The following CYFIP2 variants were observed in gnomAD, a reference collection of about 807,000 sequenced individuals.
The protein encoded by CYFIP2 is cytoplasmic FMR1-interacting protein 2.
Under a neutral mutation model 158.7 loss-of-function variants are expected in CYFIP2, and 29 were observed. The ratio of observed to expected loss-of-function variants is 0.18; its 90% CI spans 0.14 to 0.25. The LOEUF is 0.25. CYFIP2 is among the 10% of genes least tolerant of loss of function. The pLI, the probability that CYFIP2 is intolerant of heterozygous loss-of-function variation, is 1.00. For synonymous variants in CYFIP2, 585 were observed against 617.6 expected, an observed-to-expected ratio of 0.95 and a Z score of 0.78; for missense variants, 852 against 1,639.5, an observed-to-expected ratio of 0.52 and a Z score of 8.29.
chr5:157,348,095 G>A (rs1166619174), intron 23 of CYFIP2, among the ~76,000 whole-genome samples: 1 of 152,234 alleles, frequency 6.6e-6, no homozygotes, highest in Non-Finnish European at 1.5e-5. Context: ...TAGCCTCTTC[G>A]CTCTCAGGCC....
chr5:157,287,388 G>A (rs1433855487), intron 3 of CYFIP2, among the ~76,000 whole-genome samples: 3 of 152,148 alleles, frequency 2.0e-5, no homozygotes, highest in Non-Finnish European at 2.9e-5. Flanking sequence ...ATAGCTTTTT[G>A]GGTTAACATG....
intron 13 of CYFIP2, among the ~76,000 whole-genome samples, chr5:157,318,669 A>G (rs920185046): frequency 6.6e-6 from 1 of 152,192 alleles, no homozygotes; most frequent in African/African-American, 2.4e-5. Flanking sequence ...TTCAACAGAA[A>G]ATGTGTCTGC....
rs140960085 is a variant in CYFIP2, at chr5:157,344,827, A to C, written c.2673+3670A>C. On this transcript the variant is annotated intron_variant, in intron 23 of 30. Coordinates refer to ENST00000620254, the MANE Select transcript of CYFIP2 (RefSeq NM_001037333.3). ...TGGATATTAAGCCAAACCAATGGCT[A>C]TTATGACCTGCCTTTCTCTCACCTC... Among the ~76,000 whole-genome samples the C allele has an allele frequency of 9.5e-4, 145 of 152,332 alleles. 1 individual carries two copies. The highest frequency in any genetic ancestry group is 7.1e-3 in the East Asian group (37 of 5,190).
At chr5:157,383,237 A>T (rs772598153) in intron 27 of CYFIP2, 28 bp from the exon 28 acceptor site, 1 of 1,609,092 alleles carries the variant, frequency 6.2e-7, no homozygotes, top group Non-Finnish European at 8.5e-7. Flanking sequence ...CCTGAGTCTC[A>T]TTTTCTGCTC....
chr5:157,316,404 A>G (rs1484277144), intron 13 of CYFIP2, among the ~76,000 whole-genome samples: 1 of 152,228 alleles, frequency 6.6e-6, no homozygotes, highest in Non-Finnish European at 1.5e-5. Context: ...AAAATATAAT[A>G]TACTTTTATA....
chr5:157,289,501 C>T (rs1561693897), intron 3 of CYFIP2, among the ~76,000 whole-genome samples: 1 of 152,294 alleles, frequency 6.6e-6, no homozygotes, highest in Admixed American at 6.5e-5. Context: ...TCTGTAGGTT[C>T]GGTTTTTCCT....
intron 26 of CYFIP2, chr5:157,363,015 A>G (rs1763978855): frequency 6.6e-6 from 1 of 152,264 alleles, no homozygotes; most frequent in Non-Finnish European, 1.5e-5. Flanking sequence ...TAGTGTTGTC[A>G]TATTGAACAA....
In CYFIP2 at chr5:157,343,572, CAT is replaced by C. The variant is rs765910234; in HGVS notation, c.2673+2416_2673+2417del. On this transcript the variant is annotated intron_variant, in intron 23 of 30. Transcript: ENST00000620254. ...GAACCAGAATCAAAGTGAAGAGTGA[CAT>C]CCCCTGATTTAAGTATGTATTTATC... 5.4e-6 allele frequency: 8 copies of C among 1,492,212 alleles called. No individual in the cohort carries two copies. The East Asian group carries it at 1.8e-4, about 34-fold the overall frequency. The allele number at this position is 1,492,212 out of a possible 1,614,324, so 92.4% of individuals were successfully genotyped here.
chr5:157,360,330 C>G lies in CYFIP2; in HGVS notation c.2866C>G (p.Pro956Ala). ...QYVKTLIEVM[P>A]KICRLPRHEY... ...TGTGAAAACACTGATAGAGGTGATGCCCAAGATATGCCGCTTGCCCCGACA... is the reference window on the plus strand; with the variant it reads ...TGTGAAAACACTGATAGAGGTGATGGCCAAGATATGCCGCTTGCCCCGACA... The change falls in exon 25 of 31, where the codon CCC becomes GCC. Residue 956 changes from proline to alanine, a missense_variant. By Grantham distance (27) the Pro-to-Ala change is conservative. Around this residue, in one of 8 missense-constraint regions of CYFIP2, gnomAD observed 3 missense variants for 25.9 expected, o/e 0.12. Coordinates refer to ENST00000620254, the MANE Select transcript of CYFIP2 (RefSeq NM_001037333.3). 1 of 1,613,840 alleles carries G rather than the reference C, an allele frequency of 6.2e-7. No homozygotes were observed. Among genetic ancestry groups the G allele is most frequent in the Non-Finnish European group, 8.5e-7 (1 of 1,179,784 alleles).
chr5:157,365,444 C>A (rs1291129507), intron 26 of CYFIP2: 1 of 152,068 alleles, frequency 6.6e-6, no homozygotes, highest in African/African-American at 2.4e-5. Flanking sequence ...TTAGTAGGTG[C>A]TTATAAATAT....
intron 26 of CYFIP2, among the ~76,000 whole-genome samples, chr5:157,369,140 C>T (rs953763640): frequency 2.6e-5 from 4 of 152,110 alleles, no homozygotes; most frequent in African/African-American, 9.7e-5. Flanking sequence ...TCAAGTGATC[C>T]ACCTGCCTTG....
At chr5:157,326,026 G>T in intron 17 of CYFIP2, 145 bp from the exon 18 acceptor site, 2 of 662,924 alleles carry the variant, frequency 3.0e-6, no homozygotes, top group South Asian at 2.0e-5. Flanking sequence ...GCTTCTAAGC[G>T]GTGGAGGCTC....
At chr5:157,385,584 G>T (rs1766597255) in intron 28 of CYFIP2, among the ~76,000 whole-genome samples, 1 of 152,064 alleles carries the variant, frequency 6.6e-6, no homozygotes, top group Non-Finnish European at 1.5e-5. Context: ...AAAAACTTGG[G>T]GCTGGGGGAG....
intron 30 of CYFIP2, among the ~76,000 whole-genome samples, chr5:157,391,487 T>C (rs1356697139): frequency 6.6e-6 from 1 of 152,122 alleles, no homozygotes; most frequent in East Asian, 1.9e-4. Context: ...CATTCTACTT[T>C]CTCTATGCAT....
chr5:157,279,132 GGC>G (rs1188612338), intron 1 of CYFIP2, among the ~76,000 whole-genome samples: 1 of 152,092 alleles, frequency 6.6e-6, no homozygotes, highest in Non-Finnish European at 1.5e-5. Context: ...TGTCTTTGCT[GGC>G]TACTGTGTTA....
At chr5:157,327,555 ACT>A (rs1365977546) in intron 18 of CYFIP2, among the ~76,000 whole-genome samples, 1 of 138,742 alleles carries the variant, frequency 7.2e-6, no homozygotes, top group Non-Finnish European at 1.5e-5. Context: ...ACAGAGCAAG[ACT>A]CTGTCTCAAA....
chr5:157,270,313 G>A (rs986650750), intron 1 of CYFIP2, among the ~76,000 whole-genome samples: 3 of 152,190 alleles, frequency 2.0e-5, no homozygotes, highest in Non-Finnish European at 4.4e-5. Flanking sequence ...CAGGAGGTGA[G>A]GTCCTCTGCA....
intron 26 of CYFIP2, among the ~76,000 whole-genome samples, chr5:157,373,505 G>A (rs1380962206): frequency 2.0e-5 from 3 of 152,166 alleles, no homozygotes; most frequent in South Asian, 2.1e-4. Flanking sequence ...TGGGGTTGCC[G>A]AGATGTGTTG....
intron 23 of CYFIP2, among the ~76,000 whole-genome samples, chr5:157,349,313 T>G (rs1762914945): frequency 6.6e-6 from 1 of 152,154 alleles, no homozygotes; most frequent in Non-Finnish European, 1.5e-5. Flanking sequence ...ATTGTATCAT[T>G]CTTAATGCCT....
Sources: allele counts gnomAD v4.1 joint callset (sites outside exome capture counted in the v4.1 genomes callset), GRCh38; gene constraint gnomAD v4.1.1; regional missense constraint gnomAD v4.1.1; transcripts MANE v1.5; gene names NCBI Gene and HGNC (gene_info 2026-07-23, HGNC 2026-07-21).